Variants in FYN observed in about 807,000 individuals in gnomAD.
FYN encodes the protein FYN proto-oncogene, Src family tyrosine kinase, also known as tyrosine-protein kinase Fyn.
FYN carries 10 observed loss-of-function variants against 70.2 expected under a neutral mutation model. The observed-to-expected ratio is 0.14, with a 90% confidence interval of 0.09 to 0.24. The LOEUF (loss-of-function observed/expected upper bound fraction) is 0.24, where lower values mean the gene tolerates loss of function less well. FYN is among the 10% of genes least tolerant of loss of function. FYN has a pLI of 1.00. For synonymous variants in FYN, 236 were observed against 248.6 expected (o/e 0.95, Z 0.48); for missense variants, 319 against 673.1 (o/e 0.47, Z 5.82).
At chr6:111,760,443 G>C (rs759423015) in intron 3 of FYN, among the ~76,000 whole-genome samples, 1 of 152,150 alleles carries the variant, frequency 6.6e-6, no homozygotes, top group South Asian at 2.1e-4. Flanking sequence ...GGCAGGGACC[G>C]ACAAGAGGAC....
At chr6:111,716,239 T>G (rs566185947) in intron 4 of FYN, among the ~76,000 whole-genome samples, 4 of 152,346 alleles carry the variant, frequency 2.6e-5, no homozygotes, top group Non-Finnish European at 5.9e-5. Flanking sequence ...GGCTAAGCAG[T>G]TATTTCTTTT....
intron 3 of FYN, among the ~76,000 whole-genome samples, chr6:111,758,055 T>A (rs1364540998): frequency 6.6e-6 from 1 of 152,212 alleles, no homozygotes; most frequent in Non-Finnish European, 1.5e-5. Context: ...CATGGTTATC[T>A]GAAAACACTA....
intron 2 of FYN, among the ~76,000 whole-genome samples, chr6:111,842,703 C>T (rs150968490): frequency 3.3e-5 from 5 of 152,306 alleles, no homozygotes; most frequent in African/African-American, 1.2e-4. Context: ...AGAAATCATG[C>T]GGACATGGCT....
chr6:111,830,042 A>G (rs1317791201), intron 2 of FYN, among the ~76,000 whole-genome samples: 2 of 152,322 alleles, frequency 1.3e-5, no homozygotes, highest in East Asian at 1.9e-4. Context: ...AAGTGTTTCT[A>G]AAGTATCTTT....
Position 111,694,462 on chromosome 6 carries a change from T to C in FYN, c.1186A>G (p.Ile396Val). Residue 396 changes from isoleucine to valine, a missense_variant, in exon 12 of 14, where the codon ATT (isoleucine) becomes GTT (valine). Transcript: ENST00000354650. The surrounding 1 kb of genome is among the most constrained non-coding windows in gnomAD (Gnocchi z 5.0). The part of the protein sequence containing the change: ...YIHRDLRSAN[I>V]LVGNGLICKI... ...CATATGAGTCCATTCCCCACTAGAA[T>C]GTTTGCTGATCGCAGATCTCTATGG... The C allele has an allele frequency of 6.2e-7, 1 of 1,614,230 alleles. No homozygotes were observed. The highest frequency in any genetic ancestry group is 1.1e-5 in the South Asian group (1 of 91,086).
At chr6:111,828,400 C>T (rs1050085859) in intron 2 of FYN, among the ~76,000 whole-genome samples, 6 of 152,156 alleles carry the variant, frequency 3.9e-5, no homozygotes, top group African/African-American at 9.7e-5. Context: ...AGCAATTCTA[C>T]TTCTGGGTAT....
At chr6:111,713,201 G>C (rs1480502863) in intron 5 of FYN, among the ~76,000 whole-genome samples, 3 of 152,148 alleles carry the variant, frequency 2.0e-5, no homozygotes, top group Non-Finnish European at 4.4e-5. Context: ...TGAGCCAGGG[G>C]GCATTCAAGA....
chr6:111,802,888 G>C (rs1772033855), intron 2 of FYN, among the ~76,000 whole-genome samples: 1 of 152,138 alleles, frequency 6.6e-6, no homozygotes, highest in South Asian at 2.1e-4. Context: ...CATAGATGTA[G>C]AGTGGGTTTC....
At chr6:111,869,169 C>G (rs886553622) in intron 1 of FYN, among the ~76,000 whole-genome samples, 2 of 152,206 alleles carry the variant, frequency 1.3e-5, no homozygotes, top group Non-Finnish European at 2.9e-5. Flanking sequence ...ACACTAGAAC[C>G]CTGCTCATGG....
At chr6:111,681,032 A>AT (rs11379613) in intron 12 of FYN, among the ~76,000 whole-genome samples, 59,387 of 141,316 alleles carry the variant, frequency 0.42, 12,792 homozygotes, top group Admixed American at 0.55. Flanking sequence ...ATTTAATTTA[A>AT]TTTTTTTTTT....
intron 3 of FYN, among the ~76,000 whole-genome samples, chr6:111,738,676 T>C (rs1340203928): frequency 6.6e-6 from 1 of 152,178 alleles, no homozygotes; most frequent in Admixed American, 6.5e-5. Context: ...GGGTCGGCAT[T>C]GGCATCATCC....
intron 3 of FYN, among the ~76,000 whole-genome samples, chr6:111,739,646 C>T: frequency 6.6e-6 from 1 of 152,250 alleles, no homozygotes; most frequent in East Asian, 1.9e-4. Context: ...CTCTCCTCCT[C>T]CTGCTCTCTT....
chr6:111,666,018 T>TTTTTTTTTTTTTTC (rs1162492364), intron 13 of FYN, among the ~76,000 whole-genome samples: 1 of 143,300 alleles, frequency 7.0e-6, no homozygotes, highest in African/African-American at 2.6e-5. Context: ...TTTTTTTTTT[T>TTTTTTTTTTTTTTC]TGAGACAGAG....
intron 3 of FYN, among the ~76,000 whole-genome samples, chr6:111,766,780 C>T (rs1484538833): frequency 6.6e-6 from 1 of 152,150 alleles, no homozygotes; most frequent in Non-Finnish European, 1.5e-5. Context: ...GGGGTAACTG[C>T]CCCTAAGATT....
chr6:111,859,673 T>A (rs961628440), intron 1 of FYN, among the ~76,000 whole-genome samples: 11 of 152,208 alleles, frequency 7.2e-5, no homozygotes, highest in Non-Finnish European at 1.5e-4. Flanking sequence ...TTAGCAGGCA[T>A]GCGATCTTGT....
chr6:111,719,647 G>A (rs899805982), intron 4 of FYN, 158 bp downstream of exon 4: 2 of 835,876 alleles, frequency 2.4e-6, no homozygotes, highest in Non-Finnish European at 3.6e-6. Flanking sequence ...TCAAACTCTG[G>A]CTTTTCTTAC....
chr6:111,740,334 C>A (rs1214930424), intron 3 of FYN, among the ~76,000 whole-genome samples: 1 of 152,120 alleles, frequency 6.6e-6, no homozygotes, highest in Non-Finnish European at 1.5e-5. Flanking sequence ...AAATTGGATA[C>A]AATCTAGGCA....
At chr6:111,743,024 T>C (rs998956837) in intron 3 of FYN, among the ~76,000 whole-genome samples, 1 of 151,330 alleles carries the variant, frequency 6.6e-6, no homozygotes, top group Non-Finnish European at 1.5e-5. Flanking sequence ...TGGAGTGCAG[T>C]GGCACGATCT....
intron 1 of FYN, among the ~76,000 whole-genome samples, chr6:111,869,697 G>T (rs1774214504): frequency 6.6e-6 from 1 of 152,206 alleles, no homozygotes; most frequent in Non-Finnish European, 1.5e-5. Context: ...TCCAGAAGGA[G>T]TGTGATTTCT....
Sources: allele counts gnomAD v4.1 joint callset (sites outside exome capture counted in the v4.1 genomes callset), GRCh38; gene constraint gnomAD v4.1.1; non-coding constraint Gnocchi (gnomAD v3.1); transcripts MANE v1.5; gene names NCBI Gene and HGNC (gene_info 2026-07-23, HGNC 2026-07-21).